PDCD10: variants seen among roughly 807,000 people sequenced by gnomAD.
PDCD10 encodes programmed cell death protein 10.
Under a neutral mutation model 29.2 loss-of-function variants are expected in PDCD10, and 4 were observed. That is an observed-to-expected ratio of 0.14 (90% CI 0.07 to 0.31). The LOEUF (loss-of-function observed/expected upper bound fraction) is 0.31. Among genes scored for constraint, PDCD10 ranks in the 10% least tolerant of loss-of-function variants. The pLI is 1.00. For synonymous variants in PDCD10, 70 were observed against 82.2 expected, an observed-to-expected ratio of 0.85 and a Z score of 0.80; for missense variants, 183 against 257.9, an observed-to-expected ratio of 0.71 and a Z score of 1.99.
In PDCD10 at chr3:167,709,177, C is replaced by G. The variant is rs991582840; in HGVS notation, c.97-4282G>C. ...AAAAAAACTAAGAGGGGAGGCGAAG[C>G]AAGATGGCCGAATCAAAGCCTCCAT... On this transcript the variant is annotated intron_variant, in intron 3 of 8. Coordinates refer to ENST00000392750, the MANE Select transcript of PDCD10 (RefSeq NM_007217.4). 3.3e-5 allele frequency among the ~76,000 whole-genome samples: 5 copies of G among 151,780 alleles called. 1 individual carries two copies. Among genetic ancestry groups the G allele is most frequent in the Admixed American group, 3.3e-4 (5 of 15,246 alleles).
intron 6 of PDCD10, among the ~76,000 whole-genome samples, chr3:167,695,334 T>G (rs887744432): frequency 1.9e-4 from 29 of 152,226 alleles, no homozygotes; most frequent in Non-Finnish European, 2.9e-5. Flanking sequence ...TATCTGACAT[T>G]TATATCTTCC....
chr3:167,703,879 TGTA>T (rs765118936), intron 4 of PDCD10, among the ~76,000 whole-genome samples: 9 of 152,224 alleles, frequency 5.9e-5, no homozygotes, highest in Non-Finnish European at 1.2e-4. Flanking sequence ...TATTTCAACA[TGTA>T]ATCATTATAA....
At chr3:167,731,221 G>C (rs1209617613) in intron 2 of PDCD10, among the ~76,000 whole-genome samples, 1 of 152,066 alleles carries the variant, frequency 6.6e-6, no homozygotes, top group Non-Finnish European at 1.5e-5. Flanking sequence ...ACAACATTAG[G>C]GAAGAAGAGT....
chr3:167,702,763 A>G (rs889689726), intron 4 of PDCD10, among the ~76,000 whole-genome samples: 5 of 152,218 alleles, frequency 3.3e-5, no homozygotes, highest in African/African-American at 4.8e-5. Context: ...CATCTTTTTC[A>G]AAAGTTGTAA....
rs1017875381 is a variant in PDCD10 at position 167,734,353 on chromosome 3, C to T, written c.-253-3G>A. The stretch of plus-strand genomic sequence containing the variant: ...CCTTCTTCCAGTGCTCCTCTTCCCT[C>T]AAAGGGCATAACCCGAGTCACCCCC... On this transcript the variant is annotated splice_region_variant and splice_polypyrimidine_tract_variant and intron_variant, in intron 1 of 8. Coordinates refer to ENST00000392750, the MANE Select transcript of PDCD10 (RefSeq NM_007217.4). 2.6e-5 allele frequency: 4 copies of T among 152,628 alleles called. No homozygotes were observed. The highest frequency in any genetic ancestry group is 9.6e-5 in the African/African-American group (4 of 41,470). 9.5% of individuals were successfully genotyped at this position (152,628 alleles called of 1,614,324 possible).
chr3:167,696,907 G>T, intron 5 of PDCD10, 102 bp downstream of exon 5: 1 of 769,568 alleles, frequency 1.3e-6, no homozygotes. Flanking sequence ...GGGAGGGAGG[G>T]AAAACAGTAG....
At chr3:167,706,530 T>G (rs556218500) in intron 3 of PDCD10, among the ~76,000 whole-genome samples, 50 of 148,160 alleles carry the variant, frequency 3.4e-4, no homozygotes, top group African/African-American at 1.2e-3. Flanking sequence ...TAACACTATG[T>G]ATTTGTGTAT....
intron 3 of PDCD10, among the ~76,000 whole-genome samples, chr3:167,714,572 G>A (rs1722828890): frequency 6.6e-6 from 1 of 151,734 alleles, no homozygotes; most frequent in African/African-American, 2.4e-5. Flanking sequence ...GAAACTATTA[G>A]AACAGATAAA....
chr3:167,693,309 T>G (rs567840844), intron 6 of PDCD10, among the ~76,000 whole-genome samples: 1 of 152,334 alleles, frequency 6.6e-6, no homozygotes, highest in East Asian at 1.9e-4. Flanking sequence ...TCTGAACATA[T>G]GTACTGCAAA....
At chr3:167,703,275 A>C (rs1388912933) in intron 4 of PDCD10, among the ~76,000 whole-genome samples, 2 of 152,040 alleles carry the variant, frequency 1.3e-5, no homozygotes, top group African/African-American at 2.4e-5. Flanking sequence ...AGAAAACAAC[A>C]ATAAAAAAAA....
chr3:167,700,367 C>T (rs1020118858), intron 4 of PDCD10, among the ~76,000 whole-genome samples: 1 of 152,100 alleles, frequency 6.6e-6, no homozygotes, highest in South Asian at 2.1e-4. Context: ...ACCATGGGAC[C>T]CGACAAAGTG....
At chr3:167,701,847 A>G (rs1721473575) in intron 4 of PDCD10, among the ~76,000 whole-genome samples, 1 of 152,198 alleles carries the variant, frequency 6.6e-6, no homozygotes, top group Non-Finnish European at 1.5e-5. Flanking sequence ...GCATGACTCC[A>G]CAGGATTTAC....
intron 2 of PDCD10, among the ~76,000 whole-genome samples, chr3:167,726,538 A>T (rs1424991872): frequency 2.0e-5 from 3 of 152,180 alleles, no homozygotes; most frequent in African/African-American, 4.8e-5. Context: ...GCTCAGCTGG[A>T]TGCTATCATT....
chr3:167,721,684 C>T (rs1723581884), intron 2 of PDCD10, among the ~76,000 whole-genome samples: 2 of 152,132 alleles, frequency 1.3e-5, no homozygotes, highest in Admixed American at 1.3e-4. Flanking sequence ...CTGTTTAGTC[C>T]CATTTCTGAC....
At chr3:167,726,124 T>G (rs1437754732) in intron 2 of PDCD10, among the ~76,000 whole-genome samples, 5 of 141,840 alleles carry the variant, frequency 3.5e-5, no homozygotes, top group South Asian at 2.4e-4. Context: ...GTTTTTTTTT[T>G]TTTTTTTTTT....
chr3:167,687,509 GAC>G (rs1719747213), intron 7 of PDCD10, 104 bp downstream of exon 7: 3 of 791,982 alleles, frequency 3.8e-6, no homozygotes, highest in Non-Finnish European at 6.7e-6. Context: ...AATGGTTAAT[GAC>G]ACAAAACTAT....
intron 5 of PDCD10, among the ~76,000 whole-genome samples, 155 bp from the exon 6 acceptor site, chr3:167,695,877 T>C (rs893047356): frequency 3.3e-5 from 5 of 152,124 alleles, no homozygotes; most frequent in African/African-American, 4.8e-5. Context: ...CATTAGCGTT[T>C]GACTTAGTCC....
At chr3:167,733,604 GA>G (rs1188068828) in intron 2 of PDCD10, among the ~76,000 whole-genome samples, 1 of 152,162 alleles carries the variant, frequency 6.6e-6, no homozygotes, top group East Asian at 1.9e-4. Context: ...TTACCTCCAA[GA>G]AATGCAAAAT....
chr3:167,733,565 G>A (rs1053829905), intron 2 of PDCD10, among the ~76,000 whole-genome samples: 4 of 151,986 alleles, frequency 2.6e-5, no homozygotes, highest in South Asian at 2.1e-4. Flanking sequence ...AGAAAATGGG[G>A]GAAAAGTAAA....
Sources: gnomAD v4.1 joint callset for allele counts (sites outside exome capture counted in the v4.1 genomes callset) on GRCh38, gnomAD v4.1.1 for gene constraint, MANE v1.5 for transcripts, NCBI Gene and HGNC (gene_info 2026-07-23, HGNC 2026-07-21) for gene names.